The following CLVS1 variants were observed in gnomAD, a reference collection of about 807,000 sequenced individuals.
The protein encoded by CLVS1 is clavesin-1.
In CLVS1, 10 loss-of-function variants were observed where a neutral mutation model predicts 33.1. The observed-to-expected ratio is 0.30, with a 90% CI of 0.19 to 0.51. CLVS1 has a LOEUF of 0.51. CLVS1 is among the 20% of genes least tolerant of loss of function. CLVS1 has a pLI of 0.97. For missense variants in CLVS1, 343 were observed against 433.4 expected (o/e 0.79, Z 1.85); for synonymous variants, 163 against 166.1 (o/e 0.98, Z 0.14).
intron 3 of CLVS1, among the ~76,000 whole-genome samples, chr8:61,444,850 T>C (rs1318453625): frequency 6.6e-6 from 1 of 152,172 alleles, no homozygotes; most frequent in Non-Finnish European, 1.5e-5. Context: ...TTGCTAGTTG[T>C]CTAGTAACTG....
At chr8:61,442,079 C>A (rs1816572543) in intron 3 of CLVS1, among the ~76,000 whole-genome samples, 2 of 152,182 alleles carry the variant, frequency 1.3e-5, no homozygotes, top group South Asian at 4.1e-4. Flanking sequence ...ACACTCACTT[C>A]CCTCAACCCC....
rs529672838 is a variant in CLVS1 at position 61,474,523 on chromosome 8, T to A, written c.977+15981T>A. The stretch of plus-strand genomic sequence containing the variant: ...TTCTGACTTTGTCTTCCTCTTCATC[T>A]TCTTCTTCTTTTGTTGAAAATGGGA... On this transcript the variant is annotated intron_variant, in intron 5 of 5. Transcript: ENST00000325897. 7.2e-4 allele frequency among the ~76,000 whole-genome samples: 109 copies of A among 152,340 alleles called. 1 individual carries two copies. Among genetic ancestry groups the A allele is most frequent in the Non-Finnish European group, 1.4e-3 (92 of 68,034 alleles).
At chr8:61,363,697 T>A (rs1341253746) in intron 2 of CLVS1, among the ~76,000 whole-genome samples, 2 of 152,246 alleles carry the variant, frequency 1.3e-5, no homozygotes, top group African/African-American at 4.8e-5. Context: ...CATGTTCCTA[T>A]GTTTGTTCTT....
chr8:61,232,023 G>GATTT (rs1424272247), intron 2 of CLVS1, among the ~76,000 whole-genome samples: 1 of 62,628 alleles, frequency 1.6e-5, no homozygotes, highest in African/African-American at 4.7e-5. Context: ...GAAAGTTGTG[G>GATTT]TTTTTTTTTT....
chr8:61,002,015 G>C, the CLVS1 span, among the ~76,000 whole-genome samples: 2 of 151,540 alleles, frequency 1.3e-5, no homozygotes, highest in African/African-American at 2.4e-5. Context: ...GTCTTGCTCT[G>C]TTGCCCAGGC....
chr8:61,033,558 G>C, the CLVS1 span, among the ~76,000 whole-genome samples: 1 of 152,208 alleles, frequency 6.6e-6, no homozygotes, highest in Admixed American at 6.5e-5. Context: ...AGTCAGGGGG[G>C]AGTGTGGGTG....
At chr8:61,238,899 C>T (rs1808630582) in intron 2 of CLVS1, among the ~76,000 whole-genome samples, 2 of 152,176 alleles carry the variant, frequency 1.3e-5, no homozygotes, top group Non-Finnish European at 2.9e-5. Flanking sequence ...TAAACTCCTA[C>T]ATGCTGAGAA....
chr8:61,199,687 T>G (rs1322175252), intron 2 of CLVS1, among the ~76,000 whole-genome samples: 1 of 152,248 alleles, frequency 6.6e-6, no homozygotes, highest in East Asian at 1.9e-4. Flanking sequence ...TCTTCCTCTT[T>G]TCTTCAGGTG....
the CLVS1 span, among the ~76,000 whole-genome samples, chr8:60,981,977 A>G: frequency 6.6e-6 from 1 of 152,214 alleles, no homozygotes; most frequent in South Asian, 2.1e-4. Context: ...AGAAGTTATC[A>G]TTTTGCTGGA....
chr8:60,983,894 T>G, the CLVS1 span, among the ~76,000 whole-genome samples: 2 of 152,156 alleles, frequency 1.3e-5, no homozygotes, highest in African/African-American at 4.8e-5. Context: ...CTTTTCCTGG[T>G]AGAGCTACCC....
intron 3 of CLVS1, among the ~76,000 whole-genome samples, chr8:61,447,812 G>T (rs1816811123): frequency 6.6e-6 from 1 of 152,096 alleles, no homozygotes; most frequent in South Asian, 2.1e-4. Flanking sequence ...CTTACCTATA[G>T]TTTTCTTACT....
At chr8:61,305,618 T>C (rs1268872893) in intron 2 of CLVS1, among the ~76,000 whole-genome samples, 1 of 152,172 alleles carries the variant, frequency 6.6e-6, no homozygotes, top group Non-Finnish European at 1.5e-5. Context: ...GGTAAACTTG[T>C]GTCATGGGGT....
At chr8:61,044,808 A>G in the CLVS1 span, among the ~76,000 whole-genome samples, 1 of 152,196 alleles carries the variant, frequency 6.6e-6, no homozygotes, top group Admixed American at 6.5e-5. Flanking sequence ...AAGAATATGC[A>G]TGGGTTCTGG....
At chr8:61,115,329 ACT>A (rs144428925) in intron 1 of CLVS1, among the ~76,000 whole-genome samples, 3,544 of 150,510 alleles carry the variant, frequency 0.024, 148 homozygotes, top group African/African-American at 0.083. Flanking sequence ...AAAAATGGCA[ACT>A]CTTATTTTTT....
chr8:61,377,013 T>C (rs1284892970), intron 3 of CLVS1: 3 of 436,484 alleles, frequency 6.9e-6, no homozygotes, highest in Non-Finnish European at 1.2e-5. Flanking sequence ...TTATCCTCTG[T>C]AGCAATAATG....
the CLVS1 span, among the ~76,000 whole-genome samples, chr8:60,970,315 C>T: frequency 2.4e-4 from 37 of 152,184 alleles, no homozygotes; most frequent in Non-Finnish European, 4.3e-4. Context: ...TCCTCAGGAC[C>T]GGCTGCTGGT....
rs765094035 is a variant in CLVS1, at chr8:61,499,536, G to C, written c.1059G>C (p.Leu353=). 1 of 1,613,158 alleles carries C rather than the reference G, an allele frequency of 6.2e-7. No individual in the cohort carries two copies. Among genetic ancestry groups the C allele is most frequent in the Non-Finnish European group, 8.5e-7 (1 of 1,179,302 alleles). Residue 353 remains leucine, a synonymous_variant, in exon 6 of 6, where the codon CTG becomes CTC. Coordinates refer to ENST00000325897, the MANE Select transcript of CLVS1 (RefSeq NM_173519.3). ...AGAACACCCAGCCACTCCTGGCTCT[G>C]GACTGAACCCTGAGTCACCCCAATG... ...ENENTQPLLA[L]D
chr8:61,471,032 C>T (rs77568560), intron 5 of CLVS1, among the ~76,000 whole-genome samples: 11,183 of 152,278 alleles, frequency 0.073, 471 homozygotes, highest in Non-Finnish European at 0.097. Flanking sequence ...ACGTACACAG[C>T]CCAGCATCCT....
chr8:60,987,249 A>G, the CLVS1 span, among the ~76,000 whole-genome samples: 1 of 152,242 alleles, frequency 6.6e-6, no homozygotes, highest in Non-Finnish European at 1.5e-5. Context: ...TGCATAGTTA[A>G]GAGTGGCTTC....
Sources: allele counts gnomAD v4.1 joint callset (sites outside exome capture counted in the v4.1 genomes callset), GRCh38; gene constraint gnomAD v4.1.1; transcripts MANE v1.5; gene names NCBI Gene and HGNC (gene_info 2026-07-23, HGNC 2026-07-21).